ASIC2: variants seen among roughly 807,000 people sequenced by gnomAD.
ASIC2 encodes the protein acid-sensing ion channel 2.
A neutral mutation model predicts 57.3 loss-of-function variants in ASIC2; 25 were observed. That is an observed-to-expected ratio of 0.44 (90% CI 0.32 to 0.61). The LOEUF (loss-of-function observed/expected upper bound fraction) is 0.61, where lower values mean the gene tolerates loss of function less well. Ranked by LOEUF, ASIC2 falls within the 20% of genes least tolerant of loss-of-function variation. The probability of loss-of-function intolerance (pLI) is 0.06; values close to 1 mark genes in which losing one functional copy is unlikely to be tolerated. For missense variants in ASIC2, 641 were observed against 738.1 expected (o/e 0.87, Z 1.52); for synonymous variants, 319 against 307.5 (o/e 1.04, Z -0.39).
intron 1 of ASIC2, among the ~76,000 whole-genome samples, chr17:33,384,679 G>A (rs371330821): frequency 9.2e-5 from 14 of 152,322 alleles, no homozygotes; most frequent in African/African-American, 2.6e-4. Context: ...GAAGAAGGAC[G>A]TGTCCTTCAG....
chr17:33,525,476 G>A (rs1256460174), intron 1 of ASIC2, among the ~76,000 whole-genome samples: 5 of 152,280 alleles, frequency 3.3e-5, no homozygotes, highest in African/African-American at 1.2e-4. Flanking sequence ...AACCCTCACC[G>A]TCAAGGTCAG....
At chr17:33,028,123 G>T in intron 4 of ASIC2, 119 bp downstream of exon 4, 1 of 1,375,442 alleles carries the variant, frequency 7.3e-7, no homozygotes, top group Non-Finnish European at 9.9e-7. Context: ...AGTCTTCCCA[G>T]AACATCATCC....
chr17:33,077,364 G>A (rs1375485850), intron 3 of ASIC2, among the ~76,000 whole-genome samples: 2 of 152,136 alleles, frequency 1.3e-5, no homozygotes, highest in African/African-American at 4.8e-5. Context: ...GATTATGCCT[G>A]CCATTTATTC....
chr17:33,669,087 G>A lies in ASIC2; in HGVS notation c.555+486891C>T, dbSNP rs1371551051. 3.3e-5 allele frequency among the ~76,000 whole-genome samples: 5 copies of A among 152,136 alleles called. No homozygotes were observed. In the South Asian group the frequency reaches 1.0e-3, roughly 32 times the overall value. ...AAGACAAACTTCAAAATCAGACTTT[G>A]GGTTTGTTGATCTATTTCTTTTGCA... On this transcript the variant is annotated intron_variant, in intron 1 of 9. Transcript: ENST00000359872.
At chr17:33,098,978 A>AAT (rs1555570179) in intron 2 of ASIC2, among the ~76,000 whole-genome samples, 114 of 148,572 alleles carry the variant, frequency 7.7e-4, no homozygotes, top group African/African-American at 2.6e-3. Context: ...ATAAACAAAA[A>AAT]ATATATATAT....
chr17:34,047,768 C>G (rs1483546715), intron 1 of ASIC2, among the ~76,000 whole-genome samples: 2 of 152,150 alleles, frequency 1.3e-5, no homozygotes, highest in African/African-American at 4.8e-5. Flanking sequence ...CTCTCTGGTA[C>G]CTCTGCCTCC....
At chr17:34,018,251 G>A (rs1483939005) in intron 1 of ASIC2, among the ~76,000 whole-genome samples, 6 of 152,194 alleles carry the variant, frequency 3.9e-5, no homozygotes, top group Non-Finnish European at 5.9e-5. Flanking sequence ...AAGCCTGGAT[G>A]TCAGTATATC....
In ASIC2 at chr17:33,949,647, C is replaced by T. The variant is rs115593937; in HGVS notation, c.555+206331G>A. Among the ~76,000 whole-genome samples the T allele has an allele frequency of 5.2e-3, 784 of 152,216 alleles. 15 individuals are homozygous for T. Among genetic ancestry groups the T allele is most frequent in the African/African-American group, 0.016 (668 of 41,526 alleles). Reference sequence around the variant, plus strand: ...CATGCGTCATGTCCTCCCTCAAATTCCATAGGCCTGCTTGCCAGACTAATT... The same window carrying T: ...CATGCGTCATGTCCTCCCTCAAATTTCATAGGCCTGCTTGCCAGACTAATT... On this transcript the variant is annotated intron_variant, in intron 1 of 9. Transcript: ENST00000359872.
chr17:33,436,893 T>C (rs1391922315), intron 1 of ASIC2, among the ~76,000 whole-genome samples: 2 of 116,374 alleles, frequency 1.7e-5, no homozygotes, highest in Non-Finnish European at 3.3e-5. Flanking sequence ...TGAGACGGAG[T>C]CTCGCTCTGT....
At chr17:33,026,700 G>C (rs1213841454) in intron 4 of ASIC2, among the ~76,000 whole-genome samples, 2 of 152,344 alleles carry the variant, frequency 1.3e-5, no homozygotes, top group African/African-American at 4.8e-5. Flanking sequence ...TGGTGGCCTA[G>C]TCTGAGCATC....
chr17:33,107,518 A>T (rs2092239763), intron 2 of ASIC2, among the ~76,000 whole-genome samples: 1 of 152,176 alleles, frequency 6.6e-6, no homozygotes, highest in African/African-American at 2.4e-5. Context: ...ACTCTCTAGG[A>T]CCACATGCAA....
At chr17:33,436,899 T>C (rs1911640376) in intron 1 of ASIC2, among the ~76,000 whole-genome samples, 1 of 132,574 alleles carries the variant, frequency 7.5e-6, no homozygotes, top group Non-Finnish European at 1.6e-5. Flanking sequence ...GGAGTCTCGC[T>C]CTGTCGCCCA....
intron 3 of ASIC2, among the ~76,000 whole-genome samples, chr17:33,063,396 T>A (rs1055695432): frequency 6.6e-6 from 1 of 152,188 alleles, no homozygotes; most frequent in African/African-American, 2.4e-5. Flanking sequence ...GTCTGTAAAG[T>A]ATTTTATTTC....
chr17:33,483,144 G>A (rs12449499), intron 1 of ASIC2, among the ~76,000 whole-genome samples: 30,929 of 151,854 alleles, frequency 0.2, 3,855 homozygotes, highest in Non-Finnish European at 0.28. Flanking sequence ...ACAGATCTAC[G>A]CGGCCTCCTG....
At chr17:33,445,024 T>G (rs992316751) in intron 1 of ASIC2, among the ~76,000 whole-genome samples, 1 of 152,246 alleles carries the variant, frequency 6.6e-6, no homozygotes, top group African/African-American at 2.4e-5. Flanking sequence ...CTATAAGGTC[T>G]AAAGTATTTA....
intron 1 of ASIC2, among the ~76,000 whole-genome samples, chr17:33,153,213 A>C (rs116389473): frequency 0.024 from 3,596 of 152,300 alleles, 146 homozygotes; most frequent in African/African-American, 0.082. Flanking sequence ...CAGCATGGGC[A>C]CCCAGGGCCC....
chr17:33,131,076 T>C (rs2092343985), intron 1 of ASIC2, among the ~76,000 whole-genome samples: 1 of 152,164 alleles, frequency 6.6e-6, no homozygotes, highest in African/African-American at 2.4e-5. Context: ...GCACCTGGCA[T>C]AGAGCCTACT....
At chr17:33,533,260 C>G (rs979397093) in intron 1 of ASIC2, among the ~76,000 whole-genome samples, 14 of 151,928 alleles carry the variant, frequency 9.2e-5, no homozygotes, top group African/African-American at 3.1e-4. Flanking sequence ...GCAGGAGAAT[C>G]GCTTGAACTC....
At chr17:33,741,964 C>T (rs577962859) in intron 1 of ASIC2, among the ~76,000 whole-genome samples, 1 of 152,166 alleles carries the variant, frequency 6.6e-6, no homozygotes, top group Non-Finnish European at 1.5e-5. Flanking sequence ...TTCTGTTATT[C>T]CTACCATGAG....
Sources: allele counts gnomAD v4.1 joint callset (sites outside exome capture counted in the v4.1 genomes callset), GRCh38; gene constraint gnomAD v4.1.1; transcripts MANE v1.5; gene names NCBI Gene and HGNC (gene_info 2026-07-23, HGNC 2026-07-21).